Variants in ERGIC1 observed in about 807,000 individuals in gnomAD.
ERGIC1 encodes the protein endoplasmic reticulum-golgi intermediate compartment 1.
ERGIC1 carries 19 observed loss-of-function variants against 38.3 expected under a neutral mutation model. The observed-to-expected ratio is 0.50, with a 90% CI of 0.35 to 0.73. The LOEUF is 0.73. Among genes scored for constraint, ERGIC1 ranks in the 30% least tolerant of loss-of-function variants. The probability of loss-of-function intolerance (pLI) is 0.01; values close to 1 mark genes in which losing one functional copy is unlikely to be tolerated. For missense variants in ERGIC1, 294 were observed against 389.2 expected, an observed-to-expected ratio of 0.76 and a Z score of 2.06; for synonymous variants, 124 against 157.6, an observed-to-expected ratio of 0.79 and a Z score of 1.60.
chr5:172,867,336 C>T (rs935507763), intron 1 of ERGIC1: 57 of 424,504 alleles, frequency 1.3e-4, no homozygotes, highest in Admixed American at 9.4e-4. Flanking sequence ...AGGCCAAGGA[C>T]GATTCATAGG....
intron 1 of ERGIC1, among the ~76,000 whole-genome samples, chr5:172,836,630 G>A (rs1183927037): frequency 1.3e-5 from 2 of 152,206 alleles, no homozygotes; most frequent in Non-Finnish European, 2.9e-5. Context: ...GCTTCAGTGT[G>A]CATTCATCAA....
chr5:172,903,232 T>C (rs1157680722), intron 3 of ERGIC1, among the ~76,000 whole-genome samples: 1 of 152,192 alleles, frequency 6.6e-6, no homozygotes, highest in Non-Finnish European at 1.5e-5. Context: ...GGAGCCCTCG[T>C]CCTGGGGGTG....
intron 6 of ERGIC1, among the ~76,000 whole-genome samples, chr5:172,925,910 T>C (rs548872): frequency 0.58 from 88,209 of 152,034 alleles, 26,260 homozygotes; most frequent in African/African-American, 0.65. Context: ...TTTTCAGCCC[T>C]ACTCTACAGC....
intron 7 of ERGIC1, among the ~76,000 whole-genome samples, chr5:172,931,819 T>G (rs1289263884): frequency 6.6e-6 from 1 of 151,516 alleles, no homozygotes. Context: ...GACTTGGTTC[T>G]TTTCCCTGTT....
rs1317551697 is a variant in ERGIC1 at position 172,846,116 on chromosome 5, G to T, written c.20+11683G>T. Among the ~76,000 whole-genome samples the T allele has an allele frequency of 6.6e-6, 1 of 152,160 alleles. No individual in the cohort carries two copies. The highest frequency in any genetic ancestry group is 1.5e-5 in the Non-Finnish European group (1 of 68,020). The stretch of plus-strand genomic sequence containing the variant: ...TCAGCACATCCCATGGGGGTCCATG[G>T]CATCCATTTGACCTCTCTGGCGATG... On this transcript the variant is annotated intron_variant, in intron 1 of 9. Coordinates refer to ENST00000393784, the MANE Select transcript of ERGIC1 (RefSeq NM_001031711.3). This position sits in a 1 kb window ranked among gnomAD's most constrained non-coding sequence, Gnocchi z 4.0.
chr5:172,879,574 T>C (rs1762230819), intron 1 of ERGIC1, among the ~76,000 whole-genome samples: 2 of 152,100 alleles, frequency 1.3e-5, no homozygotes, highest in Admixed American at 1.3e-4. Flanking sequence ...CTTTGCTTTG[T>C]TTTTTTTCCA....
chr5:172,936,306 T>A (rs1486827717), intron 9 of ERGIC1: 1 of 152,228 alleles, frequency 6.6e-6, no homozygotes, highest in Non-Finnish European at 1.5e-5. Context: ...CAAGTAGAAT[T>A]TACCAGTAGA....
At chr5:172,838,713 T>C (rs1761089044) in intron 1 of ERGIC1, among the ~76,000 whole-genome samples, 1 of 152,102 alleles carries the variant, frequency 6.6e-6, no homozygotes, top group Non-Finnish European at 1.5e-5. Context: ...ATCACAGGCA[T>C]GAGCCACTGC....
chr5:172,908,059 CAG>C (rs1170031075), intron 3 of ERGIC1, among the ~76,000 whole-genome samples: 1 of 151,726 alleles, frequency 6.6e-6, no homozygotes, highest in African/African-American at 2.4e-5. Flanking sequence ...ATGCGGTCGA[CAG>C]AATAATGACC....
chr5:172,852,620 A>G (rs536894414), intron 1 of ERGIC1, among the ~76,000 whole-genome samples: 3 of 152,136 alleles, frequency 2.0e-5, no homozygotes, highest in Non-Finnish European at 4.4e-5. Flanking sequence ...AGCCCTTTTT[A>G]AAAAAAGTGT....
intron 9 of ERGIC1, among the ~76,000 whole-genome samples, chr5:172,942,476 C>T (rs943217316): frequency 1.3e-5 from 2 of 152,136 alleles, no homozygotes; most frequent in African/African-American, 2.4e-5. Context: ...AGATCCAGTG[C>T]ATCAATGTGG....
chr5:172,926,570 G>GT lies in ERGIC1; in HGVS notation c.541+2dup. 1 of 1,612,118 alleles carries GT rather than the reference G, an allele frequency of 6.2e-7. No individual in the cohort carries two copies. The highest frequency in any genetic ancestry group is 8.5e-7 in the Non-Finnish European group (1 of 1,179,952). ...GGAGCAGACAGACTCACCTCCAACCGTATGTATCCCTGCTGGGAACAGCCT... is the reference window on the plus strand; with the variant it reads ...GGAGCAGACAGACTCACCTCCAACCGTTATGTATCCCTGCTGGGAACAGCCT... On this transcript the variant is annotated splice_donor_variant, in intron 7 of 9. Transcript: ENST00000393784. LOFTEE classifies it high-confidence loss of function. The surrounding 1 kb of genome is among the most constrained non-coding windows in gnomAD (Gnocchi z 5.2).
Position 172,935,144 on chromosome 5 carries a change from T to A in ERGIC1, c.643-44T>A, listed in dbSNP as rs767253308. On this transcript the variant is annotated intron_variant, in intron 8 of 9. Transcript: ENST00000393784. Reference sequence around the variant, plus strand: ...TCTGCAATCCAGTCCCCGCCCCCCCTGAGACACAGTTTGTACTTCTGATTC... The same window carrying A: ...TCTGCAATCCAGTCCCCGCCCCCCCAGAGACACAGTTTGTACTTCTGATTC... 5 of 1,600,136 alleles carry A rather than the reference T, an allele frequency of 3.1e-6. No individual in the cohort carries two copies. The East Asian group carries it at 1.1e-4, about 36-fold the overall frequency.
intron 2 of ERGIC1, among the ~76,000 whole-genome samples, chr5:172,891,672 T>C (rs1387382424): frequency 6.6e-6 from 1 of 152,148 alleles, no homozygotes; most frequent in Non-Finnish European, 1.5e-5. Flanking sequence ...ACTCCTGACC[T>C]CAAGTGATCC....
chr5:172,838,873 G>A (rs529230849), intron 1 of ERGIC1, among the ~76,000 whole-genome samples: 2 of 152,310 alleles, frequency 1.3e-5, no homozygotes, highest in Admixed American at 6.5e-5. Flanking sequence ...ATGAATGCCT[G>A]TATTTCTACC....
chr5:172,901,750 A>G (rs2113336841), intron 3 of ERGIC1, among the ~76,000 whole-genome samples: 2 of 152,198 alleles, frequency 1.3e-5, no homozygotes, highest in Admixed American at 1.3e-4. Flanking sequence ...GGCATGAGCC[A>G]CCATGCCTGG....
At position 172,932,838 on chromosome 5, in the gene ERGIC1, T is replaced by C. The variant is rs79567092; in HGVS notation, c.642+302T>C. On this transcript the variant is annotated intron_variant, in intron 8 of 9. Coordinates refer to ENST00000393784, the MANE Select transcript of ERGIC1 (RefSeq NM_001031711.3). The stretch of plus-strand genomic sequence containing the variant: ...TGGGGTTGCAGGTCTCAAACAGCCC[T>C]GCATCTGGTCCGAGTCCTTCAGACA... 2.8e-3 allele frequency: 1,018 copies of C among 367,312 alleles called. 15 individuals are homozygous for C. The East Asian group carries it at 0.031, about 11-fold the overall frequency. 22.8% of individuals were successfully genotyped at this position (367,312 alleles called of 1,614,324 possible). A position where few individuals can be genotyped will look rare whatever the true frequency, so the allele number is the denominator to read the frequency against.
intron 1 of ERGIC1, among the ~76,000 whole-genome samples, chr5:172,850,152 C>G (rs1441416925): frequency 6.6e-6 from 1 of 152,192 alleles, no homozygotes; most frequent in East Asian, 1.9e-4. Context: ...CTGGTTCCAC[C>G]TTTCGGGCCT....
chr5:172,932,293 T>C, intron 7 of ERGIC1, 143 bp from the exon 8 acceptor site: 3 of 712,834 alleles, frequency 4.2e-6, no homozygotes, highest in Non-Finnish European at 7.2e-6. Flanking sequence ...GGGGAGAAGA[T>C]GAAGAGCAGT....
Sources: allele counts gnomAD v4.1 joint callset (sites outside exome capture counted in the v4.1 genomes callset), GRCh38; gene constraint gnomAD v4.1.1; non-coding constraint Gnocchi (gnomAD v3.1); transcripts MANE v1.5; gene names NCBI Gene and HGNC (gene_info 2026-07-23, HGNC 2026-07-21).